TRAF3: variants seen among roughly 807,000 people sequenced by gnomAD.
The protein encoded by TRAF3 is TNF receptor associated factor 3.
In TRAF3, 13 loss-of-function variants were observed where a neutral mutation model predicts 62.3. The observed-to-expected ratio is 0.21, with a 90% confidence interval of 0.14 to 0.33. The LOEUF is 0.33. Ranked by LOEUF, TRAF3 falls within the 10% of genes least tolerant of loss-of-function variation. The pLI, the probability that TRAF3 is intolerant of heterozygous loss-of-function variation, is 1.00. For missense variants in TRAF3, 440 were observed against 741.8 expected, an observed-to-expected ratio of 0.59 and a Z score of 4.73; for synonymous variants, 269 against 283.4, an observed-to-expected ratio of 0.95 and a Z score of 0.51.
intron 1 of TRAF3, among the ~76,000 whole-genome samples, chr14:102,781,538 T>C (rs1897272162): frequency 6.6e-6 from 1 of 152,200 alleles, no homozygotes; most frequent in African/African-American, 2.4e-5. Context: ...TGCGCACCTG[T>C]GGTCCCAGTT....
chr14:102,856,353 G>C (rs887274047), intron 2 of TRAF3, among the ~76,000 whole-genome samples: 4 of 152,184 alleles, frequency 2.6e-5, no homozygotes, highest in Admixed American at 1.3e-4. Context: ...GCAGTATCTG[G>C]AACTGAGGGT....
At chr14:102,881,395 C>CAAAAAAAAAA (rs57546209) in intron 6 of TRAF3, among the ~76,000 whole-genome samples, 4 of 117,430 alleles carry the variant, frequency 3.4e-5, no homozygotes, top group Non-Finnish European at 4.1e-5. Context: ...ACAACAAAAA[C>CAAAAAAAAAA]AAAAAAAAAA....
intron 2 of TRAF3, among the ~76,000 whole-genome samples, chr14:102,864,031 G>A (rs1304459590): frequency 6.6e-6 from 1 of 152,154 alleles, no homozygotes; most frequent in African/African-American, 2.4e-5. Context: ...GGAACTCGCG[G>A]TTCTTGCTGA....
In TRAF3 at chr14:102,875,437, GTC is replaced by G. The variant is rs3830905; in HGVS notation, c.298-183_298-182del. Among the ~76,000 whole-genome samples the G allele has an allele frequency of 2.7e-4, 41 of 151,708 alleles. No individual in the cohort carries two copies. The East Asian group carries it at 6.8e-3, about 25-fold the overall frequency. On this transcript the variant is annotated intron_variant, in intron 4 of 11. Coordinates refer to ENST00000392745, the MANE Select transcript of TRAF3 (RefSeq NM_145725.3). ...TAACAGTTAATGTTATTTAAATTGTGTCTCTTAGTGGGGGCAGCTTCTTCATT... is the reference window on the plus strand; with the variant it reads ...TAACAGTTAATGTTATTTAAATTGTGTCTTAGTGGGGGCAGCTTCTTCATT...
At chr14:102,836,825 G>A (rs1336497750) in intron 2 of TRAF3, among the ~76,000 whole-genome samples, 1 of 152,214 alleles carries the variant, frequency 6.6e-6, no homozygotes, top group African/African-American at 2.4e-5. Flanking sequence ...AAGTAAGTAT[G>A]CAGTGGTAAT....
chr14:102,789,706 TTGA>T (rs925268898), intron 1 of TRAF3, among the ~76,000 whole-genome samples: 30 of 152,156 alleles, frequency 2.0e-4, no homozygotes, highest in African/African-American at 7.0e-4. Flanking sequence ...TTGTATTTTC[TTGA>T]TGAGCAAAGA....
At chr14:102,808,532 A>T (rs1898915023) in intron 1 of TRAF3, among the ~76,000 whole-genome samples, 3 of 150,862 alleles carry the variant, frequency 2.0e-5, no homozygotes, top group African/African-American at 7.3e-5. Flanking sequence ...AAAAAAGAAA[A>T]GAAGAACCAT....
At chr14:102,836,954 A>G (rs1379644450) in intron 2 of TRAF3, among the ~76,000 whole-genome samples, 2 of 152,190 alleles carry the variant, frequency 1.3e-5, no homozygotes, top group African/African-American at 4.8e-5. Flanking sequence ...CTTTCCCCCA[A>G]GAATAGCTGT....
At chr14:102,852,895 T>A (rs1204663595) in intron 2 of TRAF3, among the ~76,000 whole-genome samples, 2 of 151,386 alleles carry the variant, frequency 1.3e-5, no homozygotes, top group African/African-American at 2.4e-5. Flanking sequence ...ATATTTTATT[T>A]TTATTATTAT....
At chr14:102,899,324 A>T (rs1318582909) in intron 10 of TRAF3, among the ~76,000 whole-genome samples, 1 of 152,160 alleles carries the variant, frequency 6.6e-6, no homozygotes, top group Non-Finnish European at 1.5e-5. Context: ...GCACGGGGCC[A>T]GGCCATCCCT....
intron 1 of TRAF3, among the ~76,000 whole-genome samples, chr14:102,800,314 C>T (rs1360594005): frequency 2.0e-5 from 3 of 152,204 alleles, no homozygotes; most frequent in East Asian, 1.9e-4. Flanking sequence ...TCAGACCTGC[C>T]GACTCACAGT....
chr14:102,827,043 C>T (rs140335410), intron 1 of TRAF3, among the ~76,000 whole-genome samples: 1 of 152,198 alleles, frequency 6.6e-6, no homozygotes, highest in African/African-American at 2.4e-5. Flanking sequence ...TGCAAGGTCC[C>T]CTTGCAGAGG....
chr14:102,900,205 A>AAAGC (rs1443635739), intron 10 of TRAF3, among the ~76,000 whole-genome samples: 3 of 135,460 alleles, frequency 2.2e-5, no homozygotes, highest in Non-Finnish European at 4.5e-5. Context: ...AAAAAAAAAG[A>AAAGC]CAGCCTAGGC....
At chr14:102,823,853 G>A (rs188260783) in intron 1 of TRAF3, among the ~76,000 whole-genome samples, 128 of 151,180 alleles carry the variant, frequency 8.5e-4, no homozygotes, top group South Asian at 4.1e-3. Context: ...CTATGGAAAT[G>A]CGGTTGACAG....
intron 1 of TRAF3, among the ~76,000 whole-genome samples, chr14:102,824,013 A>G (rs544281055): frequency 4.6e-5 from 7 of 152,126 alleles, no homozygotes; most frequent in African/African-American, 7.2e-5. Context: ...CCATTGATAG[A>G]CGTTTGGGTT....
intron 9 of TRAF3, among the ~76,000 whole-genome samples, chr14:102,892,182 C>T (rs1470933302): frequency 1.3e-5 from 2 of 151,972 alleles, no homozygotes; most frequent in African/African-American, 2.4e-5. Flanking sequence ...CTCAGCCTCC[C>T]GAGTAGCTGG....
Position 102,908,285 on chromosome 14 carries a change from T to A in TRAF3, c.*2501T>A, listed in dbSNP as rs1337033257. The A allele has an allele frequency of 6.6e-6, 1 of 152,362 alleles. No homozygotes were observed. The allele number at this position is 152,362 out of a possible 1,614,324, so 9.4% of individuals were successfully genotyped here. A position where few individuals can be genotyped will look rare whatever the true frequency, so the allele number is the denominator to read the frequency against. On this transcript the variant is annotated 3_prime_UTR_variant, in exon 12 of 12. Coordinates refer to ENST00000392745, the MANE Select transcript of TRAF3 (RefSeq NM_145725.3). ...GAGTCCTTGAGGATGGGATGGCCTA[T>A]GTCACACACTTTGTCCTTGAACCTG... is the stretch of plus-strand genomic sequence containing the variant.
At chr14:102,874,832 A>AT (rs1888556204) in intron 4 of TRAF3, among the ~76,000 whole-genome samples, 1 of 151,348 alleles carries the variant, frequency 6.6e-6, no homozygotes, top group Admixed American at 6.6e-5. Context: ...TTTTAAAAAA[A>AT]TTTTTGTAGA....
At chr14:102,818,371 A>G (rs1899669494) in intron 1 of TRAF3, among the ~76,000 whole-genome samples, 2 of 152,200 alleles carry the variant, frequency 1.3e-5, no homozygotes, top group Admixed American at 1.3e-4. Flanking sequence ...CCTTCTTAGT[A>G]GAAAGCTCTG....
Sources: allele counts gnomAD v4.1 joint callset (sites outside exome capture counted in the v4.1 genomes callset), GRCh38; gene constraint gnomAD v4.1.1; transcripts MANE v1.5; gene names NCBI Gene and HGNC (gene_info 2026-07-23, HGNC 2026-07-21).